The following USP42 variants were observed in gnomAD, a reference collection of about 807,000 sequenced individuals.
USP42 encodes ubiquitin specific peptidase 42.
USP42 carries 23 observed loss-of-function variants against 113.0 expected under a neutral mutation model. That is an observed-to-expected ratio of 0.20 (90% CI 0.15 to 0.29). The LOEUF (loss-of-function observed/expected upper bound fraction) is 0.29, where lower values mean the gene tolerates loss of function less well. Ranked by LOEUF, USP42 falls within the 10% of genes least tolerant of loss-of-function variation. USP42 has a pLI of 1.00. For missense variants in USP42, 2,174 were observed against 1,779.8 expected (o/e 1.22, Z -3.99); for synonymous variants, 933 against 699.0 (o/e 1.33, Z -5.28).
chr7:6,155,310 C>A, intron 15 of USP42, 115 bp downstream of exon 15: 1 of 1,408,594 alleles, frequency 7.1e-7, no homozygotes, highest in Non-Finnish European at 9.2e-7. Flanking sequence ...TTGTATCCGT[C>A]TGATTTGTGT....
Position 6,139,041 on chromosome 7 carries a change from T to C in USP42, c.554-51T>C. On this transcript the variant is annotated intron_variant, in intron 4 of 17. Transcript: ENST00000306177. The surrounding 1 kb of genome is among the most constrained non-coding windows in gnomAD (Gnocchi z 4.5). The stretch of plus-strand genomic sequence containing the variant: ...AAGATATATTTTGGGGGGTACAACT[T>C]AGGCTTATTACGTGTAATGATAAAG... 7.9e-7 allele frequency: 1 copy of C among 1,262,588 alleles called. No homozygotes were observed. Among genetic ancestry groups the C allele is most frequent in the Non-Finnish European group, 1.1e-6 (1 of 896,950 alleles). 78.2% of individuals were successfully genotyped at this position (1,262,588 alleles called of 1,614,324 possible).
At chr7:6,149,041 G>A (rs923215660) in intron 12 of USP42, among the ~76,000 whole-genome samples, 2 of 152,226 alleles carry the variant, frequency 1.3e-5, no homozygotes, top group Non-Finnish European at 2.9e-5. Flanking sequence ...TCACGCCTGC[G>A]CCTCCACGGG....
At chr7:6,150,571 G>C in intron 14 of USP42, 65 bp downstream of exon 14, 3 of 1,370,276 alleles carry the variant, frequency 2.2e-6, no homozygotes, top group Non-Finnish European at 2.1e-6. Context: ...GCCTCCAGAT[G>C]TGTCAGTATT....
At chr7:6,148,373 A>G (rs1192817997) in intron 12 of USP42, among the ~76,000 whole-genome samples, 2 of 152,186 alleles carry the variant, frequency 1.3e-5, no homozygotes, top group African/African-American at 4.8e-5. Context: ...ACCCCAAAAT[A>G]TACAGCAAAC....
chr7:6,107,392 G>A (rs1028429623), intron 1 of USP42, among the ~76,000 whole-genome samples: 4 of 150,174 alleles, frequency 2.7e-5, no homozygotes, highest in Non-Finnish European at 3.0e-5. Flanking sequence ...CTCTATTTGG[G>A]CTTTCTTCTT....
intron 4 of USP42, 92 bp from the exon 5 acceptor site, chr7:6,139,000 A>G: frequency 3.8e-6 from 3 of 782,978 alleles, no homozygotes; most frequent in East Asian, 2.9e-5. Flanking sequence ...GAGTTTTCCA[A>G]CCAACATATT....
intron 3 of USP42, among the ~76,000 whole-genome samples, chr7:6,134,155 T>G (rs1666899006): frequency 6.6e-6 from 1 of 152,144 alleles, no homozygotes; most frequent in Non-Finnish European, 1.5e-5. Context: ...CTTCCCAAAG[T>G]GCTGGGATTA....
chr7:6,125,189 A>C (rs1172790322), intron 3 of USP42, among the ~76,000 whole-genome samples: 19 of 150,284 alleles, frequency 1.3e-4, no homozygotes, highest in African/African-American at 4.4e-4. Flanking sequence ...TCAACAAAAA[A>C]AAAAAAAAAA....
intron 3 of USP42, among the ~76,000 whole-genome samples, chr7:6,121,287 A>G (rs1780213880): frequency 6.6e-6 from 1 of 152,168 alleles, no homozygotes; most frequent in African/African-American, 2.4e-5. Flanking sequence ...TTTTTCATAG[A>G]TGCCTTTTAC....
At chr7:6,081,770 C>G in the USP42 span, 1 of 152,218 alleles carries the variant, frequency 6.6e-6, no homozygotes, top group Non-Finnish European at 1.5e-5. Context: ...CCGGGCCGCT[C>G]CTCCCTGCTG....
At chr7:6,135,719 T>G in intron 3 of USP42, 122 bp from the exon 4 acceptor site, 1 of 316,206 alleles carries the variant, frequency 3.2e-6, no homozygotes, top group East Asian at 5.8e-5. Context: ...AGTAGATAGC[T>G]CAAGGCATGC....
At chr7:6,160,220 G>C (rs1174281029) in intron 17 of USP42, among the ~76,000 whole-genome samples, 1 of 152,200 alleles carries the variant, frequency 6.6e-6, no homozygotes, top group African/African-American at 2.4e-5. Flanking sequence ...TGGATTAATT[G>C]GCCGTTAATT....
the USP42 span, among the ~76,000 whole-genome samples, chr7:6,098,574 TCTCA>T: frequency 6.7e-6 from 1 of 149,948 alleles, no homozygotes; most frequent in Non-Finnish European, 1.5e-5. Flanking sequence ...TGAGACAGAG[TCTCA>T]CTCTTAACTG....
chr7:6,110,126 G>T (rs965977971), intron 1 of USP42, among the ~76,000 whole-genome samples: 1 of 152,134 alleles, frequency 6.6e-6, no homozygotes, highest in Non-Finnish European at 1.5e-5. Flanking sequence ...GAGCCACCGC[G>T]CCCGGCCTCC....
chr7:6,145,528 C>G lies in USP42; in HGVS notation c.1003C>G (p.Pro335Ala), dbSNP rs746912424. ...GGKIAKDVKY[P>A]EYLDIRPYMS... ...CATTTCCTTCTAGGATGTGAAATACCCTGAGTATCTTGATATTCGGCCATA... is the reference window on the plus strand; with the variant it reads ...CATTTCCTTCTAGGATGTGAAATACGCTGAGTATCTTGATATTCGGCCATA... Residue 335 changes from proline to alanine, a missense_variant, in exon 10 of 18, where the codon CCT becomes GCT. By Grantham distance (27) the Pro-to-Ala change is conservative. Transcript: ENST00000306177. 1.2e-6 allele frequency: 2 copies of G among 1,613,862 alleles called. No homozygotes were observed. Among genetic ancestry groups the G allele is most frequent in the Admixed American group, 3.3e-5 (2 of 60,008 alleles).
chr7:6,110,824 A>C (rs910736784), intron 1 of USP42, among the ~76,000 whole-genome samples: 1 of 152,222 alleles, frequency 6.6e-6, no homozygotes, highest in Non-Finnish European at 1.5e-5. Flanking sequence ...TGAAATGTCC[A>C]ATTATAAACT....
intron 8 of USP42, among the ~76,000 whole-genome samples, chr7:6,143,414 CCTT>C (rs1781537522): frequency 1.3e-5 from 2 of 151,974 alleles, no homozygotes; most frequent in Admixed American, 6.5e-5. Context: ...TAGGGAGGCT[CCTT>C]CTCTCTTAGG....
Position 6,115,456 on chromosome 7 carries a change from A to G in USP42, c.375A>G (p.Ala125=). The change falls in exon 3 of 18, where the codon GCA becomes GCG. Residue 125 remains alanine (A), a synonymous_variant. Coordinates refer to ENST00000306177, the MANE Select transcript of USP42 (RefSeq NM_032172.3). ...GCAATACCTGTTTTGCCAATGCAGC[A>G]CTGCAGTGTTTAACCTACACACCAC... ...NLGNTCFANA[A]LQCLTYTPPL... is the part of the protein sequence containing the mutation. The G allele has an allele frequency of 6.2e-7, 1 of 1,614,068 alleles. No homozygotes were observed. The highest frequency in any genetic ancestry group is 8.5e-7 in the Non-Finnish European group (1 of 1,179,898).
At position 6,159,316 on chromosome 7, in the gene USP42, C is replaced by A; in HGVS notation, c.3944-134C>A. On this transcript the variant is annotated intron_variant, in intron 16 of 17. Coordinates refer to ENST00000306177, the MANE Select transcript of USP42 (RefSeq NM_032172.3). This position sits in a 1 kb window ranked among gnomAD's most constrained non-coding sequence, Gnocchi z 4.1. ...CGCTGGGACATCCCTGCTCACCTCA[C>A]TGGGGAGTGGCCTCAGGCGCTCACA... The A allele has an allele frequency of 8.8e-7, 1 of 1,136,182 alleles. No individual in the cohort carries two copies. The highest frequency in any genetic ancestry group is 1.3e-6 in the Non-Finnish European group (1 of 772,972). The allele number at this position is 1,136,182 out of a possible 1,614,324, so 70.4% of individuals were successfully genotyped here.
Sources: gnomAD v4.1 joint callset for allele counts (sites outside exome capture counted in the v4.1 genomes callset) on GRCh38, gnomAD v4.1.1 for gene constraint, Gnocchi (gnomAD v3.1) non-coding constraint, MANE v1.5 for transcripts, NCBI Gene and HGNC (gene_info 2026-07-23, HGNC 2026-07-21) for gene names.